PKNOX2: variants seen among roughly 807,000 people sequenced by gnomAD.
The protein encoded by PKNOX2 is PBX/knotted 1 homeobox 2.
PKNOX2 carries 14 observed loss-of-function variants against 53.1 expected under a neutral mutation model. That is an observed-to-expected ratio of 0.26 (90% CI 0.17 to 0.41). The LOEUF is 0.41. PKNOX2 is among the 10% of genes least tolerant of loss of function. PKNOX2 has a pLI of 1.00. For missense variants in PKNOX2, 496 were observed against 602.8 expected, an observed-to-expected ratio of 0.82 and a Z score of 1.85; for synonymous variants, 257 against 242.8, an observed-to-expected ratio of 1.06 and a Z score of -0.54.
At chr11:125,282,091 G>A (rs766627443) in intron 2 of PKNOX2, among the ~76,000 whole-genome samples, 5 of 152,176 alleles carry the variant, frequency 3.3e-5, no homozygotes, top group Non-Finnish European at 5.9e-5. Context: ...TCTTCTCTGG[G>A]GTGCCACTGC....
At chr11:125,322,597 A>G (rs1442660114) in intron 2 of PKNOX2, among the ~76,000 whole-genome samples, 3 of 152,184 alleles carry the variant, frequency 2.0e-5, no homozygotes, top group African/African-American at 4.8e-5. Flanking sequence ...CCTGGGCAGC[A>G]TCACGCCCAG....
rs144340761 is a variant in PKNOX2, at chr11:125,377,786, C to T, written c.228-7765C>T. Among the ~76,000 whole-genome samples the T allele has an allele frequency of 7.3e-3, 1,105 of 152,278 alleles. 13 individuals are homozygous for T. The highest frequency in any genetic ancestry group is 0.024 in the African/African-American group (1,016 of 41,558). ...CAAAACAACAAAACAACAACAAAAACGCAAAAGAAAAAATCTCATAATGTT... is the reference window on the plus strand; with the variant it reads ...CAAAACAACAAAACAACAACAAAAATGCAAAAGAAAAAATCTCATAATGTT... On this transcript the variant is annotated intron_variant, in intron 5 of 12. Coordinates refer to ENST00000298282, the MANE Select transcript of PKNOX2 (RefSeq NM_001382323.2).
intron 12 of PKNOX2, among the ~76,000 whole-genome samples, chr11:125,430,544 C>T (rs553311933): frequency 6.6e-6 from 1 of 152,330 alleles, no homozygotes; most frequent in East Asian, 1.9e-4. Context: ...CTCTCCATCA[C>T]ACCCTCCATA....
intron 2 of PKNOX2, among the ~76,000 whole-genome samples, chr11:125,245,600 C>A (rs1943501046): frequency 6.6e-6 from 1 of 152,230 alleles, no homozygotes; most frequent in Non-Finnish European, 1.5e-5. Flanking sequence ...AGGCCCTGGT[C>A]CTAGCCTGCC....
At chr11:125,414,294 G>A (rs1955745134) in intron 10 of PKNOX2, among the ~76,000 whole-genome samples, 2 of 152,198 alleles carry the variant, frequency 1.3e-5, no homozygotes, top group East Asian at 1.9e-4. Flanking sequence ...ATGAGGAGGG[G>A]CTTTCTGCCC....
At chr11:125,196,577 G>A (rs1294141782) in intron 1 of PKNOX2, among the ~76,000 whole-genome samples, 7 of 152,194 alleles carry the variant, frequency 4.6e-5, no homozygotes, top group Admixed American at 2.0e-4. Context: ...CTGGTATTCA[G>A]AGGCAGTGCA....
chr11:125,222,888 G>A (rs1941356893), intron 1 of PKNOX2, among the ~76,000 whole-genome samples: 1 of 152,134 alleles, frequency 6.6e-6, no homozygotes, highest in Non-Finnish European at 1.5e-5. Flanking sequence ...CCAGCAACTG[G>A]AGGAGTCCAT....
intron 2 of PKNOX2, among the ~76,000 whole-genome samples, chr11:125,262,248 C>T (rs1056309455): frequency 6.6e-6 from 1 of 152,092 alleles, no homozygotes; most frequent in Non-Finnish European, 1.5e-5. Flanking sequence ...GCAGCTGCGT[C>T]TCCCCTTGGG....
At chr11:125,431,058 A>G in intron 12 of PKNOX2, 108 bp from the exon 13 acceptor site, 1 of 1,469,276 alleles carries the variant, frequency 6.8e-7, no homozygotes. Flanking sequence ...CTCTAAAAAC[A>G]AGGAGTTCAC....
intron 2 of PKNOX2, among the ~76,000 whole-genome samples, chr11:125,297,827 C>T (rs759507439): frequency 5.3e-5 from 8 of 152,192 alleles, no homozygotes; most frequent in Non-Finnish European, 1.0e-4. Context: ...GTCATCTCCT[C>T]GCCAGGATGA....
intron 1 of PKNOX2, among the ~76,000 whole-genome samples, chr11:125,217,494 T>C (rs564014622): frequency 6.6e-6 from 1 of 152,314 alleles, no homozygotes; most frequent in South Asian, 2.1e-4. Context: ...CAAGGCCAGC[T>C]ACAAATACTT....
At chr11:125,205,578 G>A (rs982152458) in intron 1 of PKNOX2, among the ~76,000 whole-genome samples, 28 of 152,276 alleles carry the variant, frequency 1.8e-4, no homozygotes, top group African/African-American at 6.7e-4. Context: ...GGTGGAGCTA[G>A]GATAAGCAGA....
Position 125,358,451 on chromosome 11 carries a change from C to T in PKNOX2, c.87+7059C>T, listed in dbSNP as rs12286722. ...AGTCCACAGCTTTCCTCTTCTTGGC[C>T]TCCTGTCAGTGACAGCCCAGGAAAT... On this transcript the variant is annotated intron_variant, in intron 4 of 12. Transcript: ENST00000298282. 7.2e-3 allele frequency among the ~76,000 whole-genome samples: 1,095 copies of T among 152,332 alleles called. 11 individuals carry two copies. The highest frequency in any genetic ancestry group is 0.023 in the African/African-American group (957 of 41,578).
At chr11:125,337,133 G>A (rs1308473670) in intron 3 of PKNOX2, among the ~76,000 whole-genome samples, 1 of 152,086 alleles carries the variant, frequency 6.6e-6, no homozygotes, top group Non-Finnish European at 1.5e-5. Flanking sequence ...GTGATTATAA[G>A]ATGGAAATCT....
Position 125,385,727 on chromosome 11 carries a change from A to C in PKNOX2, c.399+5A>C. The C allele has an allele frequency of 6.2e-7, 1 of 1,613,154 alleles. No individual in the cohort carries two copies. The highest frequency in any genetic ancestry group is 8.5e-7 in the Non-Finnish European group (1 of 1,179,622). On this transcript the variant is annotated splice_donor_5th_base_variant and intron_variant, in intron 6 of 12. Transcript: ENST00000298282. Reference sequence around the variant, plus strand: ...GACCCAGAACTGGACAATCTGGTAAAGACCCTCCACCCTCTACCCTGGCTA... The same window carrying C: ...GACCCAGAACTGGACAATCTGGTAACGACCCTCCACCCTCTACCCTGGCTA...
intron 2 of PKNOX2, among the ~76,000 whole-genome samples, chr11:125,326,491 T>C (rs1049172910): frequency 6.6e-6 from 1 of 152,198 alleles, no homozygotes; most frequent in African/African-American, 2.4e-5. Flanking sequence ...AGCTAAGAAA[T>C]ATCAATTTTG....
chr11:125,348,905 CG>C (rs975338375), intron 3 of PKNOX2, among the ~76,000 whole-genome samples: 5 of 152,186 alleles, frequency 3.3e-5, no homozygotes, highest in Admixed American at 6.5e-5. Context: ...CTTCCTGAGG[CG>C]GCTCCCACCC....
chr11:125,377,882 G>A lies in PKNOX2; in HGVS notation c.228-7669G>A, dbSNP rs141518166. On this transcript the variant is annotated intron_variant, in intron 5 of 12. Coordinates refer to ENST00000298282, the MANE Select transcript of PKNOX2 (RefSeq NM_001382323.2). ...CTAGGCTCCATGCCACCCATGGGCCGCGGGCTGGACAAGCTTGATCTAGGA... is the reference window on the plus strand; with the variant it reads ...CTAGGCTCCATGCCACCCATGGGCCACGGGCTGGACAAGCTTGATCTAGGA... Among the ~76,000 whole-genome samples, 71 of 152,344 alleles carry A rather than the reference G, an allele frequency of 4.7e-4. 1 individual carries two copies. The highest frequency in any genetic ancestry group is 1.1e-3 in the Admixed American group (17 of 15,306).
intron 7 of PKNOX2, among the ~76,000 whole-genome samples, chr11:125,405,574 T>C (rs1292615274): frequency 2.0e-5 from 3 of 152,190 alleles, no homozygotes; most frequent in Non-Finnish European, 4.4e-5. Flanking sequence ...CAAGTCATCT[T>C]TCTGCTGTTC....
Sources: gnomAD v4.1 joint callset for allele counts (sites outside exome capture counted in the v4.1 genomes callset) on GRCh38, gnomAD v4.1.1 for gene constraint, MANE v1.5 for transcripts, NCBI Gene and HGNC (gene_info 2026-07-23, HGNC 2026-07-21) for gene names.